Variants in FOXJ3 observed in about 807,000 individuals in gnomAD.
The protein encoded by FOXJ3 is forkhead box protein J3.
In FOXJ3, 22 loss-of-function variants were observed where a neutral mutation model predicts 76.1. The observed-to-expected ratio is 0.29, with a 90% CI of 0.21 to 0.41. FOXJ3 has a LOEUF of 0.41. Ranked by LOEUF, FOXJ3 falls within the 10% of genes least tolerant of loss-of-function variation. FOXJ3 has a pLI of 1.00. For synonymous variants in FOXJ3, 269 were observed against 261.2 expected, an observed-to-expected ratio of 1.03 and a Z score of -0.29; for missense variants, 613 against 762.1, an observed-to-expected ratio of 0.80 and a Z score of 2.30.
intron 4 of FOXJ3, among the ~76,000 whole-genome samples, chr1:42,240,212 G>A (rs1339835516): frequency 6.6e-6 from 1 of 152,046 alleles, no homozygotes; most frequent in Non-Finnish European, 1.5e-5. Context: ...ATAGAGGTAG[G>A]GTCTTGCTCA....
chr1:42,311,649 A>AGT (rs1570231495), intron 1 of FOXJ3, among the ~76,000 whole-genome samples: 2 of 33,668 alleles, frequency 5.9e-5, no homozygotes, highest in African/African-American at 9.4e-5. Flanking sequence ...CTTTAAAAAA[A>AGT]AAGTAGTAGT....
chr1:42,264,006 G>A (rs1403982329), intron 4 of FOXJ3, among the ~76,000 whole-genome samples: 1 of 132,886 alleles, frequency 7.5e-6, no homozygotes, highest in Non-Finnish European at 1.5e-5. Flanking sequence ...TGGAGGGATC[G>A]AGCCCAGCCA....
intron 5 of FOXJ3, among the ~76,000 whole-genome samples, chr1:42,213,796 G>A (rs759267356): frequency 6.6e-6 from 1 of 152,182 alleles, no homozygotes; most frequent in Non-Finnish European, 1.5e-5. Flanking sequence ...GTGGTTACCA[G>A]AAGTGGGAAC....
intron 5 of FOXJ3, among the ~76,000 whole-genome samples, chr1:42,223,533 G>C (rs1381561881): frequency 6.6e-6 from 1 of 152,038 alleles, no homozygotes; most frequent in Non-Finnish European, 1.5e-5. Flanking sequence ...TCTCCAAGTG[G>C]AACATCCTTT....
intron 2 of FOXJ3, chr1:42,280,148 A>G (rs1353550416): frequency 4.7e-6 from 1 of 212,812 alleles, no homozygotes; most frequent in Non-Finnish European, 8.1e-6. Context: ...GTATTAAAAC[A>G]TGCACAAAAA....
chr1:42,187,148 G>A (rs1286755544), intron 11 of FOXJ3, among the ~76,000 whole-genome samples: 2 of 152,188 alleles, frequency 1.3e-5, no homozygotes, highest in African/African-American at 2.4e-5. Flanking sequence ...ATGCCTGGCC[G>A]AGACTGCCTT....
At chr1:42,222,222 C>T (rs975395986) in intron 5 of FOXJ3, among the ~76,000 whole-genome samples, 3 of 151,876 alleles carry the variant, frequency 2.0e-5, no homozygotes, top group African/African-American at 7.3e-5. Context: ...CAGTTTTTCA[C>T]CTTCCAAATC....
intron 1 of FOXJ3, among the ~76,000 whole-genome samples, chr1:42,324,798 T>G (rs1463619140): frequency 6.6e-6 from 1 of 152,220 alleles, no homozygotes; most frequent in South Asian, 2.1e-4. Context: ...TAACAATGAA[T>G]GGAGCTTGCA....
chr1:42,269,919 C>T (rs1336022247), intron 3 of FOXJ3, among the ~76,000 whole-genome samples: 1 of 152,128 alleles, frequency 6.6e-6, no homozygotes, highest in Non-Finnish European at 1.5e-5. Flanking sequence ...TCCTCTCAGC[C>T]CTGCTTCCAT....
intron 4 of FOXJ3, among the ~76,000 whole-genome samples, chr1:42,262,525 G>C (rs1557683023): frequency 6.6e-6 from 1 of 152,116 alleles, no homozygotes; most frequent in Non-Finnish European, 1.5e-5. Flanking sequence ...ATCTATGTCT[G>C]ACCAAAATCA....
chr1:42,189,668 T>A (rs1427576096), intron 9 of FOXJ3: 1 of 340,724 alleles, frequency 2.9e-6, no homozygotes, highest in Non-Finnish European at 5.5e-6. Flanking sequence ...AATCTAAGAC[T>A]TGAACCCAGG....
chr1:42,220,734 T>TA lies in FOXJ3; in HGVS notation c.528+7148_528+7149insT, dbSNP rs545478424. 2.2e-4 allele frequency among the ~76,000 whole-genome samples: 34 copies of TA among 152,202 alleles called. No individual in the cohort carries two copies. In the East Asian group the frequency reaches 5.0e-3, roughly 22 times the overall value. On this transcript the variant is annotated intron_variant, in intron 5 of 12. Transcript: ENST00000361346. The stretch of plus-strand genomic sequence containing the variant: ...GAGATCGAGCTCTAGGTGCTAACAG[T>TA]TTTAACTGACTGGGTGATTTACCCT...
intron 5 of FOXJ3, among the ~76,000 whole-genome samples, chr1:42,217,934 T>C (rs1408627539): frequency 1.3e-5 from 2 of 152,182 alleles, no homozygotes; most frequent in African/African-American, 4.8e-5. Context: ...TTATGAAACT[T>C]TTCATGATCT....
At chr1:42,189,449 T>G (rs1297571532) in intron 9 of FOXJ3, 45 bp from the exon 10 acceptor site, 1 of 1,374,216 alleles carries the variant, frequency 7.3e-7, no homozygotes, top group African/African-American at 1.4e-5. Flanking sequence ...GGTGAAAGGG[T>G]GAAGTGTGGT....
At chr1:42,299,229 T>G (rs1435794828) in intron 2 of FOXJ3, among the ~76,000 whole-genome samples, 4 of 152,230 alleles carry the variant, frequency 2.6e-5, no homozygotes, top group Non-Finnish European at 4.4e-5. Context: ...TCTCCACTAT[T>G]ATTGTATTGC....
intron 4 of FOXJ3, among the ~76,000 whole-genome samples, chr1:42,251,706 ATTTTTTT>A (rs1168120638): frequency 5.7e-5 from 5 of 87,566 alleles, no homozygotes; most frequent in African/African-American, 2.0e-4. Flanking sequence ...GTTTGCCAGT[ATTTTTTT>A]TTTTTTTTTT....
At chr1:42,312,121 T>C (rs1352709125) in intron 1 of FOXJ3, among the ~76,000 whole-genome samples, 4 of 152,182 alleles carry the variant, frequency 2.6e-5, no homozygotes, top group Non-Finnish European at 5.9e-5. Context: ...TTCTAGTCAA[T>C]TGTTGCTAGG....
intron 4 of FOXJ3, among the ~76,000 whole-genome samples, chr1:42,256,705 C>T (rs1193598716): frequency 6.6e-6 from 1 of 152,184 alleles, no homozygotes; most frequent in Non-Finnish European, 1.5e-5. Flanking sequence ...TTCCATCTGC[C>T]CTCTGACCCA....
At chr1:42,321,359 A>G (rs1357103162) in intron 1 of FOXJ3, among the ~76,000 whole-genome samples, 3 of 152,190 alleles carry the variant, frequency 2.0e-5, no homozygotes, top group African/African-American at 7.2e-5. Context: ...TAGTCTGCCA[A>G]GGACATGGTG....
Sources: allele counts gnomAD v4.1 joint callset (sites outside exome capture counted in the v4.1 genomes callset), GRCh38; gene constraint gnomAD v4.1.1; transcripts MANE v1.5; gene names NCBI Gene and HGNC (gene_info 2026-07-23, HGNC 2026-07-21).